The following IRAG1 variants were observed in gnomAD, a reference collection of about 807,000 sequenced individuals.
IRAG1 encodes the protein IP3R-associated cGMP kinase substrate.
In IRAG1, 62 loss-of-function variants were observed where a neutral mutation model predicts 106.2. The ratio of observed to expected loss-of-function variants is 0.58; its 90% CI spans 0.48 to 0.72. The LOEUF (loss-of-function observed/expected upper bound fraction) is 0.72. Ranked by LOEUF, IRAG1 falls within the 30% of genes least tolerant of loss-of-function variation. IRAG1 has a pLI of 0.00. For synonymous variants in IRAG1, 462 were observed against 443.9 expected, an observed-to-expected ratio of 1.04 and a Z score of -0.51; for missense variants, 1,064 against 1,140.7, an observed-to-expected ratio of 0.93 and a Z score of 0.97.
intron 1 of IRAG1, among the ~76,000 whole-genome samples, chr11:10,668,312 AT>A (rs1373172821): frequency 6.6e-6 from 1 of 152,242 alleles, no homozygotes; most frequent in African/African-American, 2.4e-5. Flanking sequence ...AAATATTCAA[AT>A]TTGAAAAGTA....
intron 1 of IRAG1, among the ~76,000 whole-genome samples, chr11:10,661,075 G>C (rs1859357397): frequency 6.9e-6 from 1 of 145,062 alleles, no homozygotes; most frequent in Non-Finnish European, 1.5e-5. Context: ...CTTGAGGATT[G>C]ATTCCCTTTT....
chr11:10,635,633 C>T (rs1006988189), intron 2 of IRAG1, among the ~76,000 whole-genome samples: 3 of 152,182 alleles, frequency 2.0e-5, no homozygotes, highest in African/African-American at 7.2e-5. Context: ...CTCCTTTTGA[C>T]ATTATGCCTT....
Position 10,628,056 on chromosome 11 carries a change from C to T in IRAG1, c.653-31G>A. The T allele has an allele frequency of 6.2e-7, 1 of 1,611,742 alleles. No individual in the cohort carries two copies. The highest frequency in any genetic ancestry group is 1.1e-5 in the South Asian group (1 of 90,674). On this transcript the variant is annotated intron_variant, in intron 6 of 20. Coordinates refer to ENST00000423302, the MANE Select transcript of IRAG1 (RefSeq NM_130385.4). This position sits in a 1 kb window ranked among gnomAD's most constrained non-coding sequence, Gnocchi z 4.1. Reference sequence around the variant, plus strand: ...AGGGTCCAGACACTAGTGAGTGAGGCCCAGCAGCCCAGGCCCTCAGCTGTG... The same window carrying T: ...AGGGTCCAGACACTAGTGAGTGAGGTCCAGCAGCCCAGGCCCTCAGCTGTG...
At chr11:10,622,050 A>C (rs1237341848) in intron 10 of IRAG1, among the ~76,000 whole-genome samples, 1 of 152,214 alleles carries the variant, frequency 6.6e-6, no homozygotes, top group African/African-American at 2.4e-5. Context: ...TCATAATATG[A>C]ATGTACTTAC....
chr11:10,602,081 G>A (rs116928846), intron 14 of IRAG1, among the ~76,000 whole-genome samples: 2 of 152,242 alleles, frequency 1.3e-5, no homozygotes, highest in South Asian at 2.1e-4. Context: ...ACAGTCATGC[G>A]TGGCTGAGAC....
intron 1 of IRAG1, chr11:10,658,713 G>T: frequency 5.2e-6 from 1 of 193,386 alleles, no homozygotes; most frequent in South Asian, 6.6e-5. Context: ...GCTGTGGTCA[G>T]TCCCAGGTCA....
At chr11:10,606,501 T>C (rs769334220) in intron 12 of IRAG1, among the ~76,000 whole-genome samples, 7 of 152,204 alleles carry the variant, frequency 4.6e-5, no homozygotes, top group Non-Finnish European at 7.3e-5. Context: ...CTTACAGGAA[T>C]GTAAAATTTC....
In IRAG1 at chr11:10,628,333, CT is replaced by C. The variant is rs1173070105; in HGVS notation, c.653-309del. Among the ~76,000 whole-genome samples the C allele has an allele frequency of 6.6e-6, 1 of 152,206 alleles. No homozygotes were observed. The highest frequency in any genetic ancestry group is 1.5e-5 in the Non-Finnish European group (1 of 68,018). On this transcript the variant is annotated intron_variant, in intron 6 of 20. Transcript: ENST00000423302. This position sits in a 1 kb window ranked among gnomAD's most constrained non-coding sequence, Gnocchi z 4.1. ...GCCGCACTGATGAGGGCCGGTTGCC[CT>C]TCCTGGCACCCTCCCCCTTTCCTTG...
intron 10 of IRAG1, 95 bp from the exon 11 acceptor site, chr11:10,609,946 T>C: frequency 8.2e-7 from 1 of 1,224,694 alleles, no homozygotes. Context: ...TATAAGTATC[T>C]AGTTCTATGT....
intron 1 of IRAG1, among the ~76,000 whole-genome samples, chr11:10,673,250 C>T (rs1860392224): frequency 6.6e-6 from 1 of 152,042 alleles, no homozygotes; most frequent in Non-Finnish European, 1.5e-5. Context: ...GCCACTTGCA[C>T]TCCAGCCTGG....
intron 2 of IRAG1, among the ~76,000 whole-genome samples, chr11:10,643,406 G>C (rs1441875794): frequency 6.6e-6 from 1 of 152,150 alleles, no homozygotes; most frequent in Non-Finnish European, 1.5e-5. Context: ...TCTGCCTCTG[G>C]TGGATCCTCT....
intron 1 of IRAG1, chr11:10,687,563 A>T: frequency 1.3e-6 from 1 of 799,080 alleles, no homozygotes; most frequent in Non-Finnish European, 1.7e-6. Flanking sequence ...GGGTGATATT[A>T]GTCTCTGAAT....
chr11:10,577,794 T>C (rs897548270), intron 20 of IRAG1, among the ~76,000 whole-genome samples: 2 of 152,190 alleles, frequency 1.3e-5, no homozygotes, highest in African/African-American at 4.8e-5. Context: ...ACAGAGAACA[T>C]TGACAGGTTT....
intron 3 of IRAG1, among the ~76,000 whole-genome samples, chr11:10,632,505 C>T (rs1039675512): frequency 2.0e-5 from 3 of 152,056 alleles, no homozygotes; most frequent in African/African-American, 7.2e-5. Flanking sequence ...TATATTCTTT[C>T]AAAGTCATCC....
At position 10,642,730 on chromosome 11, in the gene IRAG1, G is replaced by A. The variant is rs141051399; in HGVS notation, c.226-8659C>T. 8.3e-3 allele frequency among the ~76,000 whole-genome samples: 1,257 copies of A among 152,310 alleles called. 6 individuals are homozygous for A. Among genetic ancestry groups the A allele is most frequent in the Non-Finnish European group, 0.014 (930 of 68,028 alleles). ...AATGAGAGAAAGCAATAATAATGAC[G>A]GTGAAAGTGGTGGTGGTGGGTGCGT... On this transcript the variant is annotated intron_variant, in intron 2 of 20. Transcript: ENST00000423302.
intron 10 of IRAG1, among the ~76,000 whole-genome samples, chr11:10,613,262 A>C (rs1460370433): frequency 1.1e-4 from 2 of 18,354 alleles, no homozygotes; most frequent in African/African-American, 4.2e-4. Flanking sequence ...TGCTTCATAC[A>C]AAAAAAAAAA....
chr11:10,606,479 A>T (rs2134368212), intron 12 of IRAG1, among the ~76,000 whole-genome samples: 1 of 152,350 alleles, frequency 6.6e-6, no homozygotes, highest in East Asian at 1.9e-4. Flanking sequence ...CATTTAAAGA[A>T]TATAAACAAT....
At chr11:10,621,412 G>A (rs1256455228) in intron 10 of IRAG1, among the ~76,000 whole-genome samples, 1 of 152,142 alleles carries the variant, frequency 6.6e-6, no homozygotes, top group Non-Finnish European at 1.5e-5. Context: ...GCGGGGCAAG[G>A]ATTTTCAAAT....
chr11:10,685,127 T>A (rs1213976152), intron 1 of IRAG1, among the ~76,000 whole-genome samples: 1 of 152,178 alleles, frequency 6.6e-6, no homozygotes, highest in African/African-American at 2.4e-5. Context: ...TCTCCTATCA[T>A]ATACTGGCAC....
Sources: gnomAD v4.1 joint callset for allele counts (sites outside exome capture counted in the v4.1 genomes callset) on GRCh38, gnomAD v4.1.1 for gene constraint, Gnocchi (gnomAD v3.1) non-coding constraint, MANE v1.5 for transcripts, NCBI Gene and HGNC (gene_info 2026-07-23, HGNC 2026-07-21) for gene names.